MCF2L2: variants seen among roughly 807,000 people sequenced by gnomAD.
MCF2L2 encodes probable guanine nucleotide exchange factor MCF2L2.
Under a neutral mutation model 150.2 loss-of-function variants are expected in MCF2L2, and 102 were observed. The observed-to-expected ratio is 0.68, with a 90% CI of 0.58 to 0.80. The LOEUF is 0.80. MCF2L2 is among the 30% of genes least tolerant of loss of function. The probability of loss-of-function intolerance (pLI) is 0.00; values close to 1 mark genes in which losing one functional copy is unlikely to be tolerated. For missense variants in MCF2L2, 1,256 were observed against 1,372.8 expected (o/e 0.91, Z 1.34); for synonymous variants, 465 against 491.3 (o/e 0.95, Z 0.71).
At chr3:183,295,944 C>T (rs924581942) in intron 12 of MCF2L2, among the ~76,000 whole-genome samples, 2 of 152,024 alleles carry the variant, frequency 1.3e-5, no homozygotes, top group South Asian at 4.2e-4. Context: ...GGCGACAGAG[C>T]GACTCCATCT....
intron 5 of MCF2L2, among the ~76,000 whole-genome samples, chr3:183,332,597 G>A (rs754379498): frequency 2.0e-5 from 3 of 152,110 alleles, no homozygotes; most frequent in Non-Finnish European, 4.4e-5. Flanking sequence ...AGGGAAATAC[G>A]CGTGACATTT....
chr3:183,393,644 C>G (rs1371991983), intron 1 of MCF2L2, among the ~76,000 whole-genome samples: 4 of 152,226 alleles, frequency 2.6e-5, no homozygotes, highest in Non-Finnish European at 4.4e-5. Context: ...CTATTTTACC[C>G]TGAGCCCACA....
intron 15 of MCF2L2, among the ~76,000 whole-genome samples, chr3:183,275,345 A>C (rs1025445271): frequency 1.3e-5 from 2 of 152,188 alleles, no homozygotes; most frequent in Non-Finnish European, 2.9e-5. Flanking sequence ...AAATCTATAA[A>C]ATCAAAAAGG....
chr3:183,384,760 C>A (rs540790488), intron 2 of MCF2L2, among the ~76,000 whole-genome samples: 1 of 152,180 alleles, frequency 6.6e-6, no homozygotes, highest in Non-Finnish European at 1.5e-5. Flanking sequence ...TATTGTAATT[C>A]CCCTGGTTCT....
chr3:183,385,747 C>T (rs866561751), intron 2 of MCF2L2, among the ~76,000 whole-genome samples: 4 of 152,198 alleles, frequency 2.6e-5, no homozygotes, highest in Non-Finnish European at 5.9e-5. Flanking sequence ...CCCTGACCAC[C>T]GTCTCCTGTG....
At chr3:183,408,789 C>T (rs1401519669) in intron 1 of MCF2L2, among the ~76,000 whole-genome samples, 1 of 152,208 alleles carries the variant, frequency 6.6e-6, no homozygotes, top group Non-Finnish European at 1.5e-5. Context: ...ACAAAGAAAT[C>T]CAGAGGCAAC....
At position 183,359,910 on chromosome 3, in the gene MCF2L2, T is replaced by C. The variant is rs145879431; in HGVS notation, c.276-18280A>G. 7.7e-3 allele frequency among the ~76,000 whole-genome samples: 1,172 copies of C among 152,310 alleles called. 10 individuals are homozygous for C. Among genetic ancestry groups the C allele is most frequent in the African/African-American group, 0.026 (1,096 of 41,570 alleles). On this transcript the variant is annotated intron_variant, in intron 3 of 29. Coordinates refer to ENST00000328913, the MANE Select transcript of MCF2L2 (RefSeq NM_015078.4). ...AACAATGATGTCTAACCTTCTTACA[T>C]GTGCAAAAGATGTATCTTCAGAGTC...
chr3:183,231,197 G>A (rs774487072), intron 15 of MCF2L2, 180 bp from the exon 16 acceptor site: 12 of 681,374 alleles, frequency 1.8e-5, no homozygotes, highest in East Asian at 8.4e-5. Flanking sequence ...TCTCACAAAC[G>A]CACACTGTGA....
chr3:183,407,876 T>A (rs16857440), intron 1 of MCF2L2, among the ~76,000 whole-genome samples: 8,194 of 152,190 alleles, frequency 0.054, 387 homozygotes, highest in African/African-American at 0.12. Flanking sequence ...CATTCTAGTC[T>A]AGGTCCTGCA....
chr3:183,416,901 A>G (rs942101606), intron 1 of MCF2L2, among the ~76,000 whole-genome samples: 9 of 152,038 alleles, frequency 5.9e-5, no homozygotes, highest in Admixed American at 5.9e-4. Context: ...CGAGGTCAGG[A>G]GATCGAGACC....
intron 27 of MCF2L2, among the ~76,000 whole-genome samples, chr3:183,184,542 C>G (rs1389119275): frequency 6.6e-6 from 1 of 152,182 alleles, no homozygotes; most frequent in Non-Finnish European, 1.5e-5. Context: ...AGAGTATTCT[C>G]TTTTGAAACC....
intron 7 of MCF2L2, among the ~76,000 whole-genome samples, chr3:183,315,103 AT>A (rs1480884697): frequency 6.7e-6 from 1 of 148,488 alleles, no homozygotes; most frequent in Non-Finnish European, 1.5e-5. Flanking sequence ...TTCCCGGCTA[AT>A]TTTTGTATTT....
intron 15 of MCF2L2, among the ~76,000 whole-genome samples, chr3:183,245,829 C>G (rs1324810866): frequency 6.6e-6 from 1 of 152,184 alleles, no homozygotes; most frequent in Non-Finnish European, 1.5e-5. Flanking sequence ...TTCCCTGGTT[C>G]CTAGGAGGAT....
Position 183,216,036 on chromosome 3 carries a change from G to A in MCF2L2, c.2429C>T (p.Ala810Val). 5 of 1,613,926 alleles carry A rather than the reference G, an allele frequency of 3.1e-6. No homozygotes were observed. The highest frequency in any genetic ancestry group is 4.2e-6 in the Non-Finnish European group (5 of 1,179,904). Residue 810 changes from alanine (A) to valine (V), a missense_variant, in exon 22 of 30, where the codon GCA (alanine) becomes GTA (valine). Coordinates refer to ENST00000328913, the MANE Select transcript of MCF2L2 (RefSeq NM_015078.4). Reference protein sequence around the residue: ...AFSTELQQALAVIEDLIKSCE... With the variant: ...AFSTELQQALVVIEDLIKSCE... ...GGACTTGATCAAATCCTCTATCACT[G>A]CCAAAGCTTGTTGTAGTTCAGTTGA... is the stretch of plus-strand genomic sequence containing the variant.
At chr3:183,425,955 C>CAA (rs58526088) in intron 1 of MCF2L2, among the ~76,000 whole-genome samples, 11 of 138,268 alleles carry the variant, frequency 8.0e-5, no homozygotes, top group Non-Finnish European at 1.3e-4. Flanking sequence ...AACTCCATCT[C>CAA]AAAAAAAAAA....
chr3:183,316,306 T>C (rs1004416953), intron 7 of MCF2L2, among the ~76,000 whole-genome samples: 1 of 151,706 alleles, frequency 6.6e-6, no homozygotes, highest in Non-Finnish European at 1.5e-5. Flanking sequence ...CAGATTTTTT[T>C]TTTTTGTTTG....
chr3:183,250,948 C>T (rs1216421649), intron 15 of MCF2L2, among the ~76,000 whole-genome samples: 8 of 152,204 alleles, frequency 5.3e-5, no homozygotes, highest in Non-Finnish European at 7.3e-5. Flanking sequence ...AGGCTCTGAG[C>T]TCAGCACTCC....
chr3:183,181,359 T>TG lies in MCF2L2; in HGVS notation c.3017-1201_3017-1200insC, dbSNP rs1721513751. ...TGGGCAGCACCTCCCTGGAGGCCCCTCTGAAATCCTGCCTGACTCTGGCAG... is the reference window on the plus strand; with the variant it reads ...TGGGCAGCACCTCCCTGGAGGCCCCTGCTGAAATCCTGCCTGACTCTGGCAG... On this transcript the variant is annotated intron_variant, in intron 27 of 29. Coordinates refer to ENST00000328913, the MANE Select transcript of MCF2L2 (RefSeq NM_015078.4). The surrounding 1 kb of genome is among the most constrained non-coding windows in gnomAD (Gnocchi z 4.3). Among the ~76,000 whole-genome samples, 3 of 151,906 alleles carry TG rather than the reference T, an allele frequency of 2.0e-5. No homozygotes were observed. The highest frequency in any genetic ancestry group is 7.3e-5 in the African/African-American group (3 of 41,330).
intron 3 of MCF2L2, among the ~76,000 whole-genome samples, chr3:183,371,611 G>C (rs1387027458): frequency 4.0e-5 from 6 of 150,994 alleles, no homozygotes; most frequent in Non-Finnish European, 8.8e-5. Context: ...GGGATTACAG[G>C]CTTATGCCAC....
Sources: gnomAD v4.1 joint callset for allele counts (sites outside exome capture counted in the v4.1 genomes callset) on GRCh38, gnomAD v4.1.1 for gene constraint, Gnocchi (gnomAD v3.1) non-coding constraint, MANE v1.5 for transcripts, NCBI Gene and HGNC (gene_info 2026-07-23, HGNC 2026-07-21) for gene names.